The following ZZEF1 variants were observed in gnomAD, a reference collection of about 807,000 sequenced individuals.
The protein encoded by ZZEF1 is zinc finger ZZ-type and EF-hand domain-containing protein 1.
Under a neutral mutation model 342.8 loss-of-function variants are expected in ZZEF1, and 157 were observed. The ratio of observed to expected loss-of-function variants is 0.46; its 90% CI spans 0.40 to 0.52. The LOEUF (loss-of-function observed/expected upper bound fraction) is 0.52. Ranked by LOEUF, ZZEF1 falls within the 20% of genes least tolerant of loss-of-function variation. The pLI is 0.00. For synonymous variants in ZZEF1, 1,505 were observed against 1,429.1 expected (o/e 1.05, Z -1.20); for missense variants, 3,480 against 3,725.6 (o/e 0.93, Z 1.72).
At chr17:4,053,923 G>T in intron 34 of ZZEF1, 134 bp downstream of exon 34, 1 of 988,420 alleles carries the variant, frequency 1.0e-6, no homozygotes, top group Non-Finnish European at 1.4e-6. Flanking sequence ...GCTCATGTTC[G>T]CCAAGAAGTC....
rs2145063253 is a variant in ZZEF1 at position 4,034,037 on chromosome 17, G to A, written c.6562C>T (p.Leu2188=). The change falls in exon 40 of 55, where the codon CTG becomes TTG. Residue 2188 remains leucine, a synonymous_variant. Coordinates refer to ENST00000381638, the MANE Select transcript of ZZEF1 (RefSeq NM_015113.4). The part of the protein sequence containing the change: ...GWKTTHLLFS[L]GAVCLDSRVG... ...TACCTGTCCAGACACACAGCTCCCA[G>A]GCTAAAGAGCAGGTGGGTGGTTTTC... The A allele has an allele frequency of 6.2e-7, 1 of 1,614,146 alleles. No homozygotes were observed. The highest frequency in any genetic ancestry group is 8.5e-7 in the Non-Finnish European group (1 of 1,180,028).
chr17:4,072,523 G>A (rs1303477922), intron 25 of ZZEF1, 85 bp downstream of exon 25: 6 of 1,430,436 alleles, frequency 4.2e-6, no homozygotes, highest in Non-Finnish European at 5.6e-6. Context: ...TAGTAAGATA[G>A]AAACACAAGT....
At chr17:4,066,425 C>G (rs779883209) in intron 28 of ZZEF1, 22 bp downstream of exon 28, 3 of 1,611,856 alleles carry the variant, frequency 1.9e-6, no homozygotes, top group South Asian at 1.1e-5. Context: ...TCAGGGACAA[C>G]AGCTGGTGTT....
chr17:4,019,889 G>T, intron 45 of ZZEF1, 120 bp from the exon 46 acceptor site: 1 of 678,654 alleles, frequency 1.5e-6, no homozygotes, highest in South Asian at 2.2e-5. Flanking sequence ...TATAATTGAG[G>T]AACATTATAT....
intron 27 of ZZEF1, among the ~76,000 whole-genome samples, chr17:4,066,909 G>A (rs991686479): frequency 6.6e-6 from 1 of 152,150 alleles, no homozygotes; most frequent in Non-Finnish European, 1.5e-5. Context: ...AAGCGATGCT[G>A]TTCCGCCAAC....
chr17:4,098,241 CA>C (rs61342066), intron 9 of ZZEF1, among the ~76,000 whole-genome samples: 24,612 of 103,206 alleles, frequency 0.24, 2,289 homozygotes, highest in African/African-American at 0.35. Context: ...GACTCCAACT[CA>C]AAAAAAAAAA....
At position 4,076,771 on chromosome 17, in the gene ZZEF1, T is replaced by C; in HGVS notation, c.3112-12A>G. ...AGCAGGAAGATAACCTAATGGAAGA[T>C]GGATGAAGCACTCAGCGTCCACCTT... is the stretch of plus-strand genomic sequence containing the variant. On this transcript the variant is annotated splice_polypyrimidine_tract_variant and intron_variant, in intron 20 of 54. Coordinates refer to ENST00000381638, the MANE Select transcript of ZZEF1 (RefSeq NM_015113.4). 4 of 1,563,970 alleles carry C rather than the reference T, an allele frequency of 2.6e-6. No individual in the cohort carries two copies. Among genetic ancestry groups the C allele is most frequent in the Non-Finnish European group, 3.4e-6 (4 of 1,173,466 alleles).
chr17:4,075,507 A>C, intron 21 of ZZEF1, 78 bp from the exon 22 acceptor site: 1 of 1,525,034 alleles, frequency 6.6e-7, no homozygotes. Context: ...CTGTTTCTCT[A>C]TCAGTGCTCC....
At chr17:4,114,258 C>T (rs748634301) in intron 4 of ZZEF1, 41 bp downstream of exon 4, 1 of 1,422,980 alleles carries the variant, frequency 7.0e-7, no homozygotes, top group African/African-American at 1.5e-5. Flanking sequence ...AGAAAACAAT[C>T]CAAAATTTTA....
chr17:4,131,612 C>CTACAAAAATA (rs1016795001), intron 1 of ZZEF1, among the ~76,000 whole-genome samples: 8 of 151,882 alleles, frequency 5.3e-5, no homozygotes, highest in African/African-American at 1.9e-4. Context: ...AACCTCCTCT[C>CTACAAAAATA]TACAAAAATA....
At position 4,087,479 on chromosome 17, in the gene ZZEF1, A is replaced by G. The variant is rs1453565823; in HGVS notation, c.2297T>C (p.Leu766Pro). Residue 766 changes from leucine to proline, a missense_variant, in exon 14 of 55, where the codon CTT becomes CCT. Physicochemically the swap from Leu to Pro is moderately conservative, Grantham distance 98 (BLOSUM62 -3). This residue lies in a region of ZZEF1 where 1,528 missense variants were observed against 1,624.1 expected (regional missense o/e 0.94). Coordinates refer to ENST00000381638, the MANE Select transcript of ZZEF1 (RefSeq NM_015113.4). The stretch of plus-strand genomic sequence containing the variant: ...AAAATTCCAGAAGATCTGCAAATCA[A>G]GACCCGCGAAGTCCAGAAAAGATTT... ...KYKSFLDFAG[L>P]DLQIFWNFYS... The G allele has an allele frequency of 5.0e-6, 8 of 1,611,218 alleles. No homozygotes were observed. Among genetic ancestry groups the G allele is most frequent in the Non-Finnish European group, 5.9e-6 (7 of 1,179,342 alleles).
chr17:4,137,798 C>T (rs1156266616), intron 1 of ZZEF1, among the ~76,000 whole-genome samples: 3 of 152,172 alleles, frequency 2.0e-5, no homozygotes, highest in Non-Finnish European at 4.4e-5. Context: ...AGGATCTGTA[C>T]AGAACAGGTA....
rs2123843 is a variant in ZZEF1 at position 4,031,278 on chromosome 17, C to T, written c.6892+848G>A. On this transcript the variant is annotated intron_variant, in intron 42 of 54. Transcript: ENST00000381638. ...TTGCAGTGAGCTGAGATCGTGTCAC[C>T]GCACTCCAGCCTGGGCAACAGAGTG... Among the ~76,000 whole-genome samples the T allele has an allele frequency of 6.6e-5, 10 of 150,480 alleles. No homozygotes were observed. In the South Asian group the frequency reaches 1.3e-3, roughly 19 times the overall value.
At chr17:4,018,781 C>A (rs1168405459) in intron 46 of ZZEF1, among the ~76,000 whole-genome samples, 1 of 152,120 alleles carries the variant, frequency 6.6e-6, no homozygotes, top group Non-Finnish European at 1.5e-5. Context: ...CTGGGCAGTG[C>A]AGGTGAGCGA....
Position 4,077,996 on chromosome 17 carries a change from A to G in ZZEF1, c.2876T>C (p.Val959Ala), listed in dbSNP as rs78806449. The change falls in exon 19 of 55, where the codon GTG becomes GCG. Residue 959 changes from valine to alanine, a missense_variant. Coordinates refer to ENST00000381638, the MANE Select transcript of ZZEF1 (RefSeq NM_015113.4). ...LSGAPGEVGS[V>A]LFSLFWSVQG... ...GACGGACCAGAACAGGGAGAAGAGC[A>G]CAGAGCCCACCTCCCCTGGGGCCCC... The G allele has an allele frequency of 0.072, 117,016 of 1,614,020 alleles. 5,006 individuals are homozygous for G. The highest frequency in any genetic ancestry group is 0.15 in the Admixed American group (8,927 of 60,014).
intron 42 of ZZEF1, among the ~76,000 whole-genome samples, chr17:4,027,616 A>T (rs2056443747): frequency 9.5e-6 from 1 of 105,014 alleles, no homozygotes; most frequent in African/African-American, 3.8e-5. Flanking sequence ...TTTTTTTTTA[A>T]AGAGACAGGC....
intron 26 of ZZEF1, among the ~76,000 whole-genome samples, chr17:4,067,915 C>T (rs1253306016): frequency 1.3e-5 from 2 of 151,832 alleles, no homozygotes; most frequent in African/African-American, 4.8e-5. Flanking sequence ...TCTGTCTCTA[C>T]AAAAAATAAA....
Position 4,013,587 on chromosome 17 carries a change from GACA to G in ZZEF1, c.8438_8440del (p.Leu2813del), listed in dbSNP as rs1567759622. The G allele has an allele frequency of 5.0e-6, 8 of 1,613,140 alleles. No individual in the cohort carries two copies. The highest frequency in any genetic ancestry group is 2.7e-5 in the African/African-American group (2 of 75,012). On this transcript the variant is annotated inframe_deletion, in exon 52 of 55. Transcript: ENST00000381638. ...GAGATGAGGCACGACCCTTTCTTCT[GACA>G]ACATCTGCTTCAAAATCTCGAATCC... is the stretch of plus-strand genomic sequence containing the variant.
intron 36 of ZZEF1, 88 bp from the exon 37 acceptor site, chr17:4,049,947 T>C (rs2057009935): frequency 1.4e-6 from 2 of 1,453,834 alleles, no homozygotes; most frequent in Admixed American, 2.0e-5. Context: ...TGCCATTATA[T>C]AGAAATAAAT....
Sources: allele counts gnomAD v4.1 joint callset (sites outside exome capture counted in the v4.1 genomes callset), GRCh38; gene constraint gnomAD v4.1.1; regional missense constraint gnomAD v4.1.1; transcripts MANE v1.5; gene names NCBI Gene and HGNC (gene_info 2026-07-23, HGNC 2026-07-21).